Variants in GATAD2A observed in about 807,000 individuals in gnomAD.
GATAD2A encodes the protein GATA zinc finger domain containing 2A.
Under a neutral mutation model 68.5 loss-of-function variants are expected in GATAD2A, and 12 were observed. The ratio of observed to expected loss-of-function variants is 0.18; its 90% CI spans 0.11 to 0.28. The LOEUF (loss-of-function observed/expected upper bound fraction) is 0.28, where lower values mean the gene tolerates loss of function less well. Among genes scored for constraint, GATAD2A ranks in the 10% least tolerant of loss-of-function variants. The pLI, the probability that GATAD2A is intolerant of heterozygous loss-of-function variation, is 1.00. For synonymous variants in GATAD2A, 410 were observed against 375.3 expected, an observed-to-expected ratio of 1.09 and a Z score of -1.07; for missense variants, 755 against 868.5, an observed-to-expected ratio of 0.87 and a Z score of 1.64.
intron 5 of GATAD2A, among the ~76,000 whole-genome samples, 156 bp downstream of exon 5, chr19:19,494,539 T>C (rs2288852): frequency 0.43 from 65,539 of 152,116 alleles, 15,503 homozygotes; most frequent in African/African-American, 0.62. Flanking sequence ...GCCCACAGCC[T>C]AGGGGAAGAA....
intron 1 of GATAD2A, among the ~76,000 whole-genome samples, chr19:19,437,216 A>G (rs1320542248): frequency 6.6e-6 from 1 of 152,158 alleles, no homozygotes; most frequent in Non-Finnish European, 1.5e-5. Context: ...TGCAGCCTCA[A>G]ACTCCTGGGC....
intron 1 of GATAD2A, among the ~76,000 whole-genome samples, chr19:19,448,589 A>C (rs1237013413): frequency 6.6e-6 from 1 of 152,176 alleles, no homozygotes; most frequent in Non-Finnish European, 1.5e-5. Context: ...GCCGGGTTCA[A>C]GCAATTCTCC....
intron 2 of GATAD2A, among the ~76,000 whole-genome samples, chr19:19,484,736 T>C (rs947631874): frequency 5.3e-5 from 8 of 152,038 alleles, no homozygotes; most frequent in African/African-American, 1.9e-4. Flanking sequence ...GGTTTCACTG[T>C]GTTAGCCAGG....
chr19:19,419,490 G>C (rs1193153159), intron 1 of GATAD2A, among the ~76,000 whole-genome samples: 1 of 150,900 alleles, frequency 6.6e-6, no homozygotes, highest in East Asian at 1.9e-4. Context: ...GGAATCCTGG[G>C]TCTGTAATGA....
intron 8 of GATAD2A, among the ~76,000 whole-genome samples, chr19:19,499,788 G>A (rs2060399757): frequency 6.6e-6 from 1 of 151,878 alleles, no homozygotes; most frequent in Non-Finnish European, 1.5e-5. Context: ...CCCCTCAGTC[G>A]CTCTCGTAAC....
chr19:19,396,451 A>C (rs2049246534), intron 1 of GATAD2A, among the ~76,000 whole-genome samples: 1 of 152,232 alleles, frequency 6.6e-6, no homozygotes, highest in African/African-American at 2.4e-5. Context: ...TCTGAAGGCC[A>C]GTGATCTGGA....
intron 7 of GATAD2A, among the ~76,000 whole-genome samples, chr19:19,498,189 C>T (rs1005294063): frequency 6.6e-6 from 1 of 152,216 alleles, no homozygotes; most frequent in Non-Finnish European, 1.5e-5. Context: ...TAAGTGTGTG[C>T]GGTTTATCTG....
chr19:19,502,990 T>A (rs527404101), intron 11 of GATAD2A, among the ~76,000 whole-genome samples: 1 of 152,320 alleles, frequency 6.6e-6, no homozygotes, highest in Non-Finnish European at 1.5e-5. Context: ...GGGCAGCGGC[T>A]GGCTCACCCG....
At chr19:19,392,497 A>G (rs1340386404) in intron 1 of GATAD2A, among the ~76,000 whole-genome samples, 2 of 150,164 alleles carry the variant, frequency 1.3e-5, no homozygotes, top group Non-Finnish European at 1.5e-5. Context: ...GGTTCAAGCA[A>G]TTCTCTGTCT....
rs1057150174 is a variant in GATAD2A, at chr19:19,507,659, T to C, written c.*2185T>C. On this transcript the variant is annotated 3_prime_UTR_variant, in exon 12 of 12. Transcript: ENST00000683918. ...ATGGCTGTCAACCCATCCTTGTGAG[T>C]TCATATGGACTGCTGCCCCTCGAAA... 6.6e-6 allele frequency: 1 copy of C among 152,212 alleles called. No homozygotes were observed. Among genetic ancestry groups the C allele is most frequent in the Non-Finnish European group, 1.5e-5 (1 of 68,078 alleles). 9.4% of individuals were successfully genotyped at this position (152,212 alleles called of 1,614,324 possible).
intron 2 of GATAD2A, among the ~76,000 whole-genome samples, chr19:19,483,290 C>G (rs1189584435): frequency 5.9e-5 from 9 of 152,168 alleles, no homozygotes; most frequent in African/African-American, 1.9e-4. Context: ...ATAATGGATT[C>G]CCAGAGCGGT....
chr19:19,429,640 G>C (rs2053512782), intron 1 of GATAD2A, among the ~76,000 whole-genome samples: 1 of 151,588 alleles, frequency 6.6e-6, no homozygotes, highest in Non-Finnish European at 1.5e-5. Context: ...CCTCCTTCAA[G>C]GAGGCTGTGG....
intron 2 of GATAD2A, among the ~76,000 whole-genome samples, chr19:19,480,268 ATAG>A (rs1184733502): frequency 1.3e-5 from 2 of 152,348 alleles, no homozygotes; most frequent in African/African-American, 2.4e-5. Flanking sequence ...ATGTTGGAAA[ATAG>A]TAGTTTACTG....
intron 1 of GATAD2A, among the ~76,000 whole-genome samples, chr19:19,443,125 A>G (rs1249075904): frequency 6.6e-6 from 1 of 152,182 alleles, no homozygotes; most frequent in Non-Finnish European, 1.5e-5. Context: ...CAGCACAGCT[A>G]TTGATGTGTT....
At chr19:19,494,672 C>T (rs868312998) in intron 5 of GATAD2A, among the ~76,000 whole-genome samples, 80 of 152,268 alleles carry the variant, frequency 5.3e-4, no homozygotes, top group African/African-American at 1.8e-3. Flanking sequence ...CCTGATCTCC[C>T]TTCGTGTTGA....
At chr19:19,484,518 C>CTTTTTTATTTTTTTTTTT (rs2059278186) in intron 2 of GATAD2A, among the ~76,000 whole-genome samples, 1 of 114,466 alleles carries the variant, frequency 8.7e-6, no homozygotes, top group African/African-American at 3.3e-5. Flanking sequence ...TTTTCTTTTT[C>CTTTTTTATTTTTTTTTTT]TTTTTTTTTT....
chr19:19,429,543 G>A (rs1045512979), intron 1 of GATAD2A, among the ~76,000 whole-genome samples: 3 of 151,982 alleles, frequency 2.0e-5, no homozygotes, highest in Non-Finnish European at 4.4e-5. Context: ...AAGGAGGGCC[G>A]TCTGGTTTAT....
At chr19:19,485,091 G>T (rs1461386134) in intron 2 of GATAD2A, among the ~76,000 whole-genome samples, 1 of 152,176 alleles carries the variant, frequency 6.6e-6, no homozygotes, top group African/African-American at 2.4e-5. Context: ...GGGCCTCTGT[G>T]CAGGCTGCTG....
intron 1 of GATAD2A, chr19:19,440,510 G>C: frequency 4.7e-6 from 1 of 215,028 alleles, no homozygotes; most frequent in Non-Finnish European, 9.6e-6. Context: ...TGCCCACCTT[G>C]GCCTCCCAAA....
Sources: allele counts gnomAD v4.1 joint callset (sites outside exome capture counted in the v4.1 genomes callset), GRCh38; gene constraint gnomAD v4.1.1; transcripts MANE v1.5; gene names NCBI Gene and HGNC (gene_info 2026-07-23, HGNC 2026-07-21).